The following TARS2 variants were observed in gnomAD, a reference collection of about 807,000 sequenced individuals.
TARS2 encodes threonyl-tRNA synthetase 2, mitochondrial.
A neutral mutation model predicts 94.4 loss-of-function variants in TARS2; 61 were observed. The ratio of observed to expected loss-of-function variants is 0.65; its 90% CI spans 0.53 to 0.80. The LOEUF (loss-of-function observed/expected upper bound fraction) is 0.80. Ranked by LOEUF, TARS2 falls within the 30% of genes least tolerant of loss-of-function variation. The pLI is 0.00. For synonymous variants in TARS2, 359 were observed against 353.4 expected (o/e 1.02, Z -0.18); for missense variants, 704 against 902.5 (o/e 0.78, Z 2.82).
intron 10 of TARS2, 43 bp from the exon 11 acceptor site, chr1:150,498,459 T>C: frequency 1.3e-6 from 2 of 1,517,392 alleles, no homozygotes; most frequent in Non-Finnish European, 1.8e-6. Context: ...CTTCGGGGGC[T>C]AGTCCTCCCT....
rs764277809 is a variant in TARS2 at position 150,507,041 on chromosome 1, C to T, written c.2134C>T (p.Pro712Ser). Residue 712 changes from proline to serine, a missense_variant, in exon 18 of 18, where the codon CCA becomes TCA. Pro to Ser is a moderately conservative substitution (Grantham distance 74). Transcript: ENST00000369064. ...GGTGGAGCTACAGAACACGAGGGTC[C>T]CAAATGCCGAAGAAATTTTCTGAGC... Reference protein sequence around the residue: ...RLVELQNTRVPNAEEIF With the variant: ...RLVELQNTRVSNAEEIF The T allele has an allele frequency of 1.2e-6, 2 of 1,614,060 alleles. No individual in the cohort carries two copies. Among genetic ancestry groups the T allele is most frequent in the Middle Eastern group, 1.7e-4 (1 of 6,058 alleles).
intron 15 of TARS2, 40 bp downstream of exon 15, chr1:150,504,773 C>T (rs1560259075): frequency 5.0e-6 from 8 of 1,611,188 alleles, no homozygotes; most frequent in South Asian, 3.3e-5. Context: ...GGCCCCAAAC[C>T]GGATAGTTAT....
intron 7 of TARS2, among the ~76,000 whole-genome samples, chr1:150,492,805 A>T (rs1178321302): frequency 2.1e-5 from 3 of 145,026 alleles, no homozygotes; most frequent in Non-Finnish European, 4.5e-5. Flanking sequence ...GCGAGAGTCC[A>T]TCTCAAAAAA....
chr1:150,488,211 C>T, intron 2 of TARS2, 157 bp downstream of exon 2: 1 of 857,672 alleles, frequency 1.2e-6, no homozygotes, highest in Non-Finnish European at 1.7e-6. Flanking sequence ...TGTTGTTGTT[C>T]TTTTATACAG....
chr1:150,487,890 A>C lies in TARS2; in HGVS notation c.99A>C (p.Ala33=). The change falls in exon 2 of 18, where the codon GCA becomes GCC. Residue 33 remains alanine, a synonymous_variant. Coordinates refer to ENST00000369064, the MANE Select transcript of TARS2 (RefSeq NM_025150.5). ...AVVSTPPRWL[A]ERLGLFEELW... ...TGTCGACCCCTCCACGCTGGTTGGC[A>C]GAGCGGCTTGGCCTTTTTGAGGAGC... 1.9e-6 allele frequency: 3 copies of C among 1,613,586 alleles called. No homozygotes were observed. Among genetic ancestry groups the C allele is most frequent in the Non-Finnish European group, 2.5e-6 (3 of 1,179,976 alleles).
Position 150,489,397 on chromosome 1 carries a change from G to T in TARS2, c.387+310G>T, listed in dbSNP as rs12138453. The T allele has an allele frequency of 0.087, 32,441 of 371,774 alleles. 1,769 individuals carry two copies. Among genetic ancestry groups the T allele is most frequent in the Non-Finnish European group, 0.12 (22,985 of 193,492 alleles). The allele number at this position is 371,774 out of a possible 1,614,324, so 23.0% of individuals were successfully genotyped here. A position where few individuals can be genotyped will look rare whatever the true frequency, so the allele number is the denominator to read the frequency against. The stretch of plus-strand genomic sequence containing the variant: ...ACGTACATTATAAGTCATCTGTAGT[G>T]TATATTCAATTCTAACATGGCTTAT... On this transcript the variant is annotated intron_variant, in intron 3 of 17. Transcript: ENST00000369064.
intron 10 of TARS2, 89 bp downstream of exon 10, chr1:150,497,836 A>G (rs1408200675): frequency 2.9e-6 from 4 of 1,375,774 alleles, no homozygotes; most frequent in Non-Finnish European, 2.9e-6. Flanking sequence ...TCACGCCTGT[A>G]ATCCCAACAC....
chr1:150,503,611 A>ATATGTGTGTG (rs1670041548), intron 13 of TARS2, among the ~76,000 whole-genome samples: 1 of 83,696 alleles, frequency 1.2e-5, no homozygotes, highest in Non-Finnish European at 2.6e-5. Flanking sequence ...GTATGTGTGT[A>ATATGTGTGTG]TATATATGTG....
In TARS2 at chr1:150,498,518, C is replaced by A; in HGVS notation, c.1255C>A (p.Arg419=). 6.3e-7 allele frequency: 1 copy of A among 1,584,520 alleles called. No individual in the cohort carries two copies. The highest frequency in any genetic ancestry group is 8.6e-7 in the Non-Finnish European group (1 of 1,168,836). The change falls in exon 11 of 18, where the codon CGG becomes AGG. Residue 419 remains arginine (R), a synonymous_variant. Transcript: ENST00000369064. The stretch of plus-strand genomic sequence containing the variant: ...CAACCTCAGCCTGATGTTCGCCCAC[C>A]GGCCCAGATCCTGGCGGGAACTGCC... ...CPAHCLMFAH[R]PRSWRELPLR...
intron 17 of TARS2, among the ~76,000 whole-genome samples, chr1:150,506,273 C>G (rs1429158613): frequency 6.6e-6 from 1 of 152,094 alleles, no homozygotes; most frequent in Non-Finnish European, 1.5e-5. Context: ...CTTTCCCTCC[C>G]TTACCGCCCA....
chr1:150,496,524 C>A lies in TARS2; in HGVS notation c.817C>A (p.Leu273Met). Residue 273 changes from leucine (L) to methionine (M), a missense_variant, in exon 8 of 18, where the codon CTG becomes ATG. By Grantham distance (15) the Leu-to-Met change is conservative (BLOSUM62 2). Coordinates refer to ENST00000369064, the MANE Select transcript of TARS2 (RefSeq NM_025150.5). ...GAGGTCTTCAGGGGCCCCAGAGACACTGCAGAGAGTGTCAGGGATTTCCTT... is the reference window on the plus strand; with the variant it reads ...GAGGTCTTCAGGGGCCCCAGAGACAATGCAGAGAGTGTCAGGGATTTCCTT... ...LWRSSGAPET[L>M]QRVSGISFPT... 1.9e-6 allele frequency: 3 copies of A among 1,614,146 alleles called. No homozygotes were observed. The highest frequency in any genetic ancestry group is 2.5e-6 in the Non-Finnish European group (3 of 1,180,020).
intron 12 of TARS2, 33 bp from the exon 13 acceptor site, chr1:150,499,183 G>T: frequency 6.2e-7 from 1 of 1,613,188 alleles, no homozygotes; most frequent in Middle Eastern, 1.7e-4. Flanking sequence ...AGTCTAAGAT[G>T]ATGTATTCCA....
intron 13 of TARS2, among the ~76,000 whole-genome samples, chr1:150,502,561 TC>T (rs1446420522): frequency 1.3e-5 from 2 of 151,640 alleles, no homozygotes; most frequent in East Asian, 2.0e-4. Flanking sequence ...ATTTTTGTAT[TC>T]CCTTTTTTAG....
chr1:150,501,293 CAA>C (rs58418387), intron 13 of TARS2, among the ~76,000 whole-genome samples: 63,191 of 111,614 alleles, frequency 0.57, 18,642 homozygotes, highest in Non-Finnish European at 0.63. Context: ...CTCGTCTCTA[CAA>C]AAAAAAATTT....
chr1:150,505,265 T>C (rs2102512580), intron 16 of TARS2, among the ~76,000 whole-genome samples: 1 of 152,354 alleles, frequency 6.6e-6, no homozygotes, highest in African/African-American at 2.4e-5. Context: ...CACAGTTTTA[T>C]TTTTCCTTTC....
At chr1:150,488,271 G>A (rs1169422308) in intron 2 of TARS2, 3 of 503,782 alleles carry the variant, frequency 6.0e-6, no homozygotes, top group Non-Finnish European at 1.0e-5. Flanking sequence ...CTGGGCTCAA[G>A]CGATCCTTCC....
Position 150,497,584 on chromosome 1 carries a change from A to G in TARS2, c.1075A>G (p.Thr359Ala), listed in dbSNP as rs374978180. ...GGTGAAAACTCCCACACTGTTTTCT[A>G]CGAAGCTCTGGGAACAGTCAGGGCA... ...SEVKTPTLFS[T>A]KLWEQSGHWE... Residue 359 changes from threonine (T) to alanine (A), a missense_variant, in exon 10 of 18, where the codon ACG (threonine) becomes GCG (alanine). By Grantham distance (58) the Thr-to-Ala change is moderately conservative. Coordinates refer to ENST00000369064, the MANE Select transcript of TARS2 (RefSeq NM_025150.5). The G allele has an allele frequency of 1.4e-5, 22 of 1,613,984 alleles. No homozygotes were observed. In the African/African-American group the frequency reaches 1.5e-4, roughly 11 times the overall value.
At chr1:150,506,043 T>G (rs1005936392) in intron 17 of TARS2, among the ~76,000 whole-genome samples, 6 of 151,746 alleles carry the variant, frequency 4.0e-5, no homozygotes, top group African/African-American at 1.5e-4. Context: ...TAGACCTAGA[T>G]GGAATCAGCC....
intron 13 of TARS2, 116 bp from the exon 14 acceptor site, chr1:150,504,219 A>G (rs1362809422): frequency 1.1e-6 from 1 of 894,248 alleles, no homozygotes; most frequent in African/African-American, 1.6e-5. Flanking sequence ...GACATGATGA[A>G]GGTAGTAGCC....
Sources: allele counts gnomAD v4.1 joint callset (sites outside exome capture counted in the v4.1 genomes callset), GRCh38; gene constraint gnomAD v4.1.1; transcripts MANE v1.5; gene names NCBI Gene and HGNC (gene_info 2026-07-23, HGNC 2026-07-21).